Variants in ROBO2 observed in about 807,000 individuals in gnomAD.
The protein encoded by ROBO2 is roundabout homolog 2.
In ROBO2, 53 loss-of-function variants were observed where a neutral mutation model predicts 160.8. That is an observed-to-expected ratio of 0.33 (90% CI 0.26 to 0.41). The LOEUF is 0.41. Among genes scored for constraint, ROBO2 ranks in the 10% least tolerant of loss-of-function variants. The pLI is 1.00. For synonymous variants in ROBO2, 664 were observed against 611.7 expected (o/e 1.09, Z -1.26); for missense variants, 1,577 against 1,722.4 (o/e 0.92, Z 1.49).
intron 1 of ROBO2, among the ~76,000 whole-genome samples, chr3:77,097,257 T>C (rs2071208275): frequency 6.6e-6 from 1 of 152,210 alleles, no homozygotes. Flanking sequence ...CTTTTTTCTT[T>C]TAGTTGTCAT....
intron 23 of ROBO2, among the ~76,000 whole-genome samples, chr3:77,626,844 T>C (rs938656925): frequency 3.9e-5 from 6 of 152,166 alleles, no homozygotes; most frequent in African/African-American, 1.4e-4. Context: ...AAGGAAATCA[T>C]GGCTCTATAT....
chr3:77,069,472 T>C (rs1056070317), intron 1 of ROBO2, among the ~76,000 whole-genome samples: 15 of 152,150 alleles, frequency 9.9e-5, no homozygotes, highest in Non-Finnish European at 1.8e-4. Flanking sequence ...TACTGAAATA[T>C]ATATTGATTC....
In ROBO2 at chr3:77,169,383, C is replaced by A. The variant is rs1413967189; in HGVS notation, c.388+71043C>A. On this transcript the variant is annotated intron_variant, in intron 2 of 25. Coordinates refer to ENST00000461745, the Ensembl canonical transcript of ROBO2. ...AGTTTTAGTAAGCATGTGTCATTATCTACCAGACCACCTCTAAATTAAAAT... is the reference window on the plus strand; with the variant it reads ...AGTTTTAGTAAGCATGTGTCATTATATACCAGACCACCTCTAAATTAAAAT... Among the ~76,000 whole-genome samples the A allele has an allele frequency of 1.3e-5, 2 of 152,280 alleles. 1 individual carries two copies. Among genetic ancestry groups the A allele is most frequent in the South Asian group, 4.1e-4 (2 of 4,830 alleles).
intron 2 of ROBO2, among the ~76,000 whole-genome samples, chr3:76,723,589 A>G (rs1288959218): frequency 6.6e-6 from 1 of 152,034 alleles, no homozygotes; most frequent in African/African-American, 2.4e-5. Context: ...TTCTCATACA[A>G]AATTCTTTGT....
rs142011561 is a variant in ROBO2, at chr3:76,284,423, T to C, written c.109+346821T>C. 1.7e-4 allele frequency among the ~76,000 whole-genome samples: 26 copies of C among 152,116 alleles called. No homozygotes were observed. In the East Asian group the frequency reaches 5.0e-3, roughly 29 times the overall value. ...TGACTCCTATAAAAAAAATCTGAGA[T>C]AAACTTAATCATCTTAACCTTCCAA... On this transcript the variant is annotated intron_variant, in intron 2 of 26. Coordinates refer to the ROBO2 transcript ENST00000487694.
In ROBO2 at chr3:77,461,507, A is replaced by T. The variant is rs1175740846; in HGVS notation, c.389-15907A>T. Among the ~76,000 whole-genome samples the T allele has an allele frequency of 2.6e-5, 4 of 152,112 alleles. No individual in the cohort carries two copies. In the East Asian group the frequency reaches 7.7e-4, roughly 29 times the overall value. ...CTAATGGTTGAATAACATTATATTT[A>T]TGCTATACATAGATATATTCTTCAT... On this transcript the variant is annotated intron_variant, in intron 2 of 25. Transcript: ENST00000461745.
At chr3:77,128,392 C>T (rs912003975) in intron 2 of ROBO2, among the ~76,000 whole-genome samples, 1 of 152,120 alleles carries the variant, frequency 6.6e-6, no homozygotes, top group Non-Finnish European at 1.5e-5. Flanking sequence ...ACAGTATAAG[C>T]TTTGGTACTA....
At chr3:76,365,506 G>A (rs191391265) in intron 2 of ROBO2, among the ~76,000 whole-genome samples, 14 of 152,138 alleles carry the variant, frequency 9.2e-5, no homozygotes, top group South Asian at 2.1e-4. Context: ...ACTCATAGCC[G>A]GGTGAGAGCT....
At chr3:77,440,198 A>G (rs1053077256) in intron 2 of ROBO2, among the ~76,000 whole-genome samples, 1 of 152,150 alleles carries the variant, frequency 6.6e-6, no homozygotes, top group Non-Finnish European at 1.5e-5. Context: ...TTGTCTTTAC[A>G]TATGACACAT....
intron 1 of ROBO2, among the ~76,000 whole-genome samples, chr3:77,049,274 G>A (rs1010055786): frequency 6.6e-6 from 1 of 152,090 alleles, no homozygotes; most frequent in African/African-American, 2.4e-5. Flanking sequence ...AGGCTGCAGC[G>A]AGCCATGATT....
intron 2 of ROBO2, among the ~76,000 whole-genome samples, chr3:76,288,124 T>TA (rs570813402): frequency 1.2e-4 from 18 of 152,340 alleles, no homozygotes; most frequent in Admixed American, 1.1e-3. Context: ...TATACACACC[T>TA]AGTCTTTATA....
intron 2 of ROBO2, among the ~76,000 whole-genome samples, chr3:77,214,271 G>A (rs1052622584): frequency 6.6e-6 from 1 of 152,062 alleles, no homozygotes; most frequent in Non-Finnish European, 1.5e-5. Context: ...TCCTGTATTG[G>A]GTGCATATAT....
chr3:76,250,488 G>T (rs1443386552), intron 2 of ROBO2, among the ~76,000 whole-genome samples: 2 of 152,016 alleles, frequency 1.3e-5, no homozygotes, highest in Non-Finnish European at 2.9e-5. Flanking sequence ...TGCATAAGTA[G>T]TTAATCGTTT....
intron 13 of ROBO2, 108 bp from the exon 15 acceptor site, chr3:77,574,391 G>T: frequency 1.1e-6 from 1 of 899,010 alleles, no homozygotes; most frequent in Admixed American, 1.9e-5. Context: ...ACATCACTCA[G>T]TTGATAGTTA....
chr3:76,932,955 T>C (rs1019165376), intron 2 of ROBO2, among the ~76,000 whole-genome samples: 5 of 151,996 alleles, frequency 3.3e-5, no homozygotes, highest in Admixed American at 1.3e-4. Flanking sequence ...TGAGAGATCC[T>C]GAACAGACAT....
intron 2 of ROBO2, among the ~76,000 whole-genome samples, chr3:77,318,712 T>C (rs2064332246): frequency 6.6e-6 from 1 of 152,072 alleles, no homozygotes; most frequent in African/African-American, 2.4e-5. Context: ...AATTAGATAA[T>C]ACATGTAAAG....
intron 2 of ROBO2, among the ~76,000 whole-genome samples, chr3:76,681,174 A>G (rs1303004745): frequency 6.6e-6 from 1 of 152,228 alleles, no homozygotes; most frequent in African/African-American, 2.4e-5. Flanking sequence ...TCAAACTTTA[A>G]TAAGAGGTTT....
chr3:76,200,483 A>G (rs1006796017), intron 2 of ROBO2, among the ~76,000 whole-genome samples: 4 of 152,158 alleles, frequency 2.6e-5, no homozygotes, highest in African/African-American at 9.6e-5. Context: ...AATAATTCAT[A>G]TGTCAAAGAG....
At chr3:77,028,413 A>G (rs1051827215) in intron 2 of ROBO2, among the ~76,000 whole-genome samples, 24 of 152,106 alleles carry the variant, frequency 1.6e-4, no homozygotes, top group African/African-American at 5.8e-4. Context: ...CCAAAAACTT[A>G]ACAAAACTAT....
Sources: gnomAD v4.1 joint callset for allele counts (sites outside exome capture counted in the v4.1 genomes callset) on GRCh38, gnomAD v4.1.1 for gene constraint, MANE v1.5 for transcripts, NCBI Gene and HGNC (gene_info 2026-07-23, HGNC 2026-07-21) for gene names.